Variants in NOTCH2 observed in about 807,000 individuals in gnomAD.
NOTCH2 encodes neurogenic locus notch homolog protein 2.
NOTCH2 carries 29 observed loss-of-function variants against 235.8 expected under a neutral mutation model. The observed-to-expected ratio is 0.12, with a 90% CI of 0.09 to 0.17. The LOEUF is 0.17. Ranked by LOEUF, NOTCH2 falls within the 10% of genes least tolerant of loss-of-function variation. NOTCH2 has a pLI of 1.00. For missense variants in NOTCH2, 2,285 were observed against 3,150.2 expected (o/e 0.73, Z 6.57); for synonymous variants, 1,086 against 1,141.5 (o/e 0.95, Z 0.98).
Position 119,915,889 on chromosome 1 carries a change from G to C in NOTCH2, c.6833C>G (p.Thr2278Ser), listed in dbSNP as rs1557801901. The change falls in exon 34 of 34, where the codon ACC (threonine) becomes AGC (serine). Residue 2278 changes from threonine to serine, a missense_variant. By Grantham distance (58) the Thr-to-Ser change is moderately conservative. This residue lies in a region of NOTCH2 where 504 missense variants were observed against 538.0 expected (regional missense o/e 0.94). Coordinates refer to ENST00000256646, the MANE Select transcript of NOTCH2 (RefSeq NM_024408.4). ...GCTCTGGGGAGCTATGCCAGGATGG[G>C]TGCCCTCAGCTGGAGCCAGGACCAT... ...FGMVLAPAEGTHPGIAPQSRP... is the reference protein window; with the variant it reads ...FGMVLAPAEGSHPGIAPQSRP... 6.2e-7 allele frequency: 1 copy of C among 1,614,178 alleles called. No individual in the cohort carries two copies. Among genetic ancestry groups the C allele is most frequent in the Non-Finnish European group, 8.5e-7 (1 of 1,180,026 alleles).
intron 4 of NOTCH2, among the ~76,000 whole-genome samples, chr1:119,989,603 T>TA (rs1261168256): frequency 4.6e-5 from 7 of 151,540 alleles, no homozygotes; most frequent in Non-Finnish European, 1.0e-4. Context: ...TTAGGATATA[T>TA]TTTTTAAAAA....
intron 12 of NOTCH2, among the ~76,000 whole-genome samples, chr1:119,957,029 T>C (rs137970265): frequency 6.6e-6 from 1 of 152,356 alleles, no homozygotes; most frequent in East Asian, 1.9e-4. Context: ...AATGAAAACA[T>C]GGTATAGTCC....
At chr1:119,916,751 G>A in intron 33 of NOTCH2, 57 bp from the exon 34 acceptor site, 3 of 1,553,170 alleles carry the variant, frequency 1.9e-6, no homozygotes, top group South Asian at 1.1e-5. Context: ...GAATATAGCA[G>A]TTTTTCTCAA....
intron 22 of NOTCH2, among the ~76,000 whole-genome samples, chr1:119,932,586 T>G (rs1466554136): frequency 6.6e-6 from 1 of 150,398 alleles, no homozygotes; most frequent in Non-Finnish European, 1.5e-5. Flanking sequence ...AAACTCCATC[T>G]CAAAACAAAC....
At chr1:120,069,179 C>G in intron 1 of NOTCH2, 155 bp downstream of exon 1, 1 of 1,527,868 alleles carries the variant, frequency 6.5e-7, no homozygotes. Context: ...GGGCCCCCGG[C>G]GATGTCCAAA....
chr1:120,068,933 T>C (rs781845025), intron 1 of NOTCH2: 2 of 824,944 alleles, frequency 2.4e-6, no homozygotes, highest in East Asian at 8.3e-5. Context: ...CACGCCAGAA[T>C]CTGGCATTCC....
chr1:120,041,922 AGAGG>A (rs1446227559), intron 1 of NOTCH2, among the ~76,000 whole-genome samples: 1 of 144,412 alleles, frequency 6.9e-6, no homozygotes, highest in Non-Finnish European at 1.5e-5. Flanking sequence ...AGGGAAAGAG[AGAGG>A]AAGGAAGCAA....
chr1:119,960,403 T>C (rs1450461990), intron 11 of NOTCH2, among the ~76,000 whole-genome samples: 2 of 151,592 alleles, frequency 1.3e-5, no homozygotes, highest in African/African-American at 2.4e-5. Context: ...AGTTTGGTTA[T>C]ATTAACAGTA....
chr1:120,069,099 G>A (rs1553217734), intron 1 of NOTCH2: 2 of 1,510,006 alleles, frequency 1.3e-6, no homozygotes, highest in Non-Finnish European at 1.8e-6. Flanking sequence ...GAGGAGGCGT[G>A]TAAGGGGTCC....
At chr1:120,069,087 C>T (rs1553217718) in intron 1 of NOTCH2, 6 of 1,499,778 alleles carry the variant, frequency 4.0e-6, no homozygotes, top group Non-Finnish European at 5.3e-6. Flanking sequence ...CTCCCTCCTG[C>T]CGAGGAGGCG....
Position 119,914,878 on chromosome 1 carries a change from C to G in NOTCH2, c.*428G>C. On this transcript the variant is annotated 3_prime_UTR_variant, in exon 34 of 34. Coordinates refer to ENST00000256646, the MANE Select transcript of NOTCH2 (RefSeq NM_024408.4). ...AAGAATGTCCAAGGAGGAGGAGATG[C>G]GTAGGTCAATTCAGGCAGAATTCCA... The G allele has an allele frequency of 2.9e-6, 1 of 350,262 alleles. No homozygotes were observed. The allele number at this position is 350,262 out of a possible 1,614,324, so 21.7% of individuals were successfully genotyped here. A position where few individuals can be genotyped will look rare whatever the true frequency, so the allele number is the denominator to read the frequency against.
At chr1:119,974,061 G>T (rs1360028228) in intron 5 of NOTCH2, among the ~76,000 whole-genome samples, 1 of 152,228 alleles carries the variant, frequency 6.6e-6, no homozygotes, top group Admixed American at 6.5e-5. Flanking sequence ...ATGACTTTAT[G>T]TTAGTAGGGA....
chr1:119,990,518 GT>G (rs1307336514), intron 4 of NOTCH2, among the ~76,000 whole-genome samples: 1 of 150,680 alleles, frequency 6.6e-6, no homozygotes, highest in Non-Finnish European at 1.5e-5. Flanking sequence ...ACTAAACACA[GT>G]GCCTTACACA....
intron 3 of NOTCH2, among the ~76,000 whole-genome samples, chr1:120,001,511 C>G (rs1202297744): frequency 1.3e-5 from 2 of 152,186 alleles, no homozygotes; most frequent in African/African-American, 2.4e-5. Flanking sequence ...GGAAAGCTGA[C>G]CTGGCTACTG....
At position 119,922,449 on chromosome 1, in the gene NOTCH2, G is replaced by C. The variant is rs2101154990; in HGVS notation, c.5003-3C>G. 1 of 1,610,294 alleles carries C rather than the reference G, an allele frequency of 6.2e-7. No individual in the cohort carries two copies. Among genetic ancestry groups the C allele is most frequent in the Non-Finnish European group, 8.5e-7 (1 of 1,178,038 alleles). Reference sequence around the variant, plus strand: ...GCGTTCTGGAGTCAGGGATTCACCTGAAAGTCCACAGAGACAGGGAAAGTG... The same window carrying C: ...GCGTTCTGGAGTCAGGGATTCACCTCAAAGTCCACAGAGACAGGGAAAGTG... On this transcript the variant is annotated splice_region_variant and splice_polypyrimidine_tract_variant and intron_variant, in intron 27 of 33. Coordinates refer to ENST00000256646, the MANE Select transcript of NOTCH2 (RefSeq NM_024408.4).
intron 11 of NOTCH2, among the ~76,000 whole-genome samples, chr1:119,962,048 C>T (rs934247049): frequency 6.6e-6 from 1 of 152,102 alleles, no homozygotes; most frequent in Admixed American, 6.5e-5. Context: ...CAAATAACTG[C>T]AGGAACATCT....
chr1:119,966,569 T>C, intron 8 of NOTCH2, 80 bp from the exon 9 acceptor site: 1 of 933,586 alleles, frequency 1.1e-6, no homozygotes, highest in South Asian at 1.3e-5. Flanking sequence ...TTTGCAATGA[T>C]AACTACATCC....
At chr1:120,002,410 C>T (rs587642264) in intron 3 of NOTCH2, among the ~76,000 whole-genome samples, 123 of 151,230 alleles carry the variant, frequency 8.1e-4, no homozygotes, top group Non-Finnish European at 1.3e-3. Flanking sequence ...TCCATTAGGG[C>T]GTCTCTTAGT....
chr1:119,944,209 A>C (rs1359300596), intron 17 of NOTCH2, among the ~76,000 whole-genome samples: 5 of 152,126 alleles, frequency 3.3e-5, no homozygotes, highest in African/African-American at 9.7e-5. Context: ...ATAACCAAAA[A>C]TATCAGTAAA....
Sources: gnomAD v4.1 joint callset for allele counts (sites outside exome capture counted in the v4.1 genomes callset) on GRCh38, gnomAD v4.1.1 for gene constraint, gnomAD v4.1.1 regional missense constraint, MANE v1.5 for transcripts, NCBI Gene and HGNC (gene_info 2026-07-23, HGNC 2026-07-21) for gene names.